TRPC5: variants seen among roughly 807,000 people sequenced by gnomAD.
TRPC5 encodes the protein short transient receptor potential channel 5.
A neutral mutation model predicts 56.5 loss-of-function variants in TRPC5; 9 were observed. The observed-to-expected ratio is 0.16, with a 90% CI of 0.10 to 0.28. The LOEUF (loss-of-function observed/expected upper bound fraction) is 0.28, where lower values mean the gene tolerates loss of function less well. TRPC5 is among the 10% of genes least tolerant of loss of function. The probability of loss-of-function intolerance (pLI) is 1.00; values close to 1 mark genes in which losing one functional copy is unlikely to be tolerated. For missense variants in TRPC5, 469 were observed against 748.9 expected, an observed-to-expected ratio of 0.63 and a Z score of 4.36; for synonymous variants, 282 against 278.5, an observed-to-expected ratio of 1.01 and a Z score of -0.13.
chrX:111,778,286 AAAGTAT>A (rs1945894194), intron 10 of TRPC5, among the ~76,000 whole-genome samples: 1 of 111,339 alleles, frequency 9.0e-6, no homozygotes, highest in African/African-American at 3.3e-5. Context: ...CCCAGAACTT[AAAGTAT>A]AATAAAAAAA....
intron 1 of TRPC5, among the ~76,000 whole-genome samples, chrX:111,963,963 A>G (rs1927476344): frequency 8.9e-6 from 1 of 112,340 alleles, no homozygotes; most frequent in Non-Finnish European, 1.9e-5. Flanking sequence ...AATGGAACAA[A>G]GCTGGACGGA....
chrX:112,077,743 A>G (rs1470971153), intron 1 of TRPC5, among the ~76,000 whole-genome samples: 1 of 112,153 alleles, frequency 8.9e-6, no homozygotes, highest in Non-Finnish European at 1.9e-5. Flanking sequence ...TCCTAAAATA[A>G]ATTAGGGTGG....
chrX:112,081,027 A>C (rs896268810), intron 1 of TRPC5, among the ~76,000 whole-genome samples: 8 of 112,257 alleles, frequency 7.1e-5, no homozygotes, highest in Non-Finnish European at 1.1e-4. Flanking sequence ...TCTATCTTTC[A>C]GGCTGGTTTC....
At chrX:112,013,137 T>A (rs1303359562) in intron 1 of TRPC5, among the ~76,000 whole-genome samples, 2 of 106,948 alleles carry the variant, frequency 1.9e-5, no homozygotes, top group Non-Finnish European at 3.9e-5. Flanking sequence ...TTGTTGTTGT[T>A]GTTGTTGTTA....
chrX:111,790,496 CATGTATACCT>C (rs905570447), intron 7 of TRPC5, among the ~76,000 whole-genome samples: 25 of 111,328 alleles, frequency 2.2e-4, no homozygotes, highest in Non-Finnish European at 4.3e-4. Context: ...CAACATGACA[CATGTATACCT>C]ATGTATCACA....
intron 3 of TRPC5, among the ~76,000 whole-genome samples, chrX:111,907,590 A>G (rs1451349577): frequency 1.8e-5 from 2 of 110,245 alleles, no homozygotes; most frequent in Non-Finnish European, 3.8e-5. Flanking sequence ...GCACCACTGC[A>G]TTCCAGCCTG....
At chrX:111,796,629 A>G (rs1228204073) in intron 7 of TRPC5, among the ~76,000 whole-genome samples, 2 of 112,101 alleles carry the variant, frequency 1.8e-5, no homozygotes, top group African/African-American at 3.2e-5. Flanking sequence ...CCTTGAATCA[A>G]TAGTTCTCCC....
chrX:112,057,884 A>G (rs1930375896), intron 1 of TRPC5, among the ~76,000 whole-genome samples: 1 of 111,687 alleles, frequency 9.0e-6, no homozygotes, highest in Admixed American at 9.5e-5. Context: ...AGGCCTAGGA[A>G]TCTAATATTT....
At chrX:111,847,710 A>T (rs766790179) in intron 5 of TRPC5, among the ~76,000 whole-genome samples, 3 of 111,894 alleles carry the variant, frequency 2.7e-5, no homozygotes, top group Non-Finnish European at 3.8e-5. Context: ...TGCAGCAACC[A>T]CCTGTGGCTT....
chrX:111,845,101 G>C (rs1328809511), intron 6 of TRPC5, among the ~76,000 whole-genome samples: 1 of 110,162 alleles, frequency 9.1e-6, no homozygotes, highest in Non-Finnish European at 1.9e-5. Flanking sequence ...AGCCAGGCAT[G>C]GTGGTGGGCA....
chrX:112,037,193 A>G (rs1929766788), intron 1 of TRPC5, among the ~76,000 whole-genome samples: 1 of 111,818 alleles, frequency 8.9e-6, no homozygotes, highest in African/African-American at 3.3e-5. Context: ...CAGCTCTGAA[A>G]TGTTACATTC....
chrX:112,052,870 T>C (rs1483010077), intron 1 of TRPC5, among the ~76,000 whole-genome samples: 1 of 112,227 alleles, frequency 8.9e-6, no homozygotes, highest in Non-Finnish European at 1.9e-5. Context: ...GAAAAGACTG[T>C]TATTTCCCCA....
chrX:112,016,993 T>G (rs2148664631), intron 1 of TRPC5, among the ~76,000 whole-genome samples: 1 of 111,817 alleles, frequency 8.9e-6, no homozygotes, highest in African/African-American at 3.2e-5. Context: ...TGTTTATCAT[T>G]ATTACTCCTT....
At chrX:111,949,386 G>C (rs1239752217) in intron 2 of TRPC5, among the ~76,000 whole-genome samples, 1 of 111,915 alleles carries the variant, frequency 8.9e-6, no homozygotes, top group East Asian at 2.8e-4. Flanking sequence ...GGAACAGGCA[G>C]CAGAGTTAAC....
At position 111,879,747 on chromosome X, in the gene TRPC5, A is replaced by G. The variant is rs752587716; in HGVS notation, c.901-25641T>C. Among the ~76,000 whole-genome samples, 18 of 112,535 alleles carry G rather than the reference A, an allele frequency of 1.6e-4. No homozygotes were observed. The South Asian group carries it at 1.8e-3, about 11-fold the overall frequency. On this transcript the variant is annotated intron_variant, in intron 3 of 10. Coordinates refer to ENST00000262839, the MANE Select transcript of TRPC5 (RefSeq NM_012471.3). ...CATGATTAGTATCTATCCTCTTTTT[A>G]CAGAGAAAGAAATATGAGGCTCATT...
At chrX:112,014,392 G>C (rs1295263200) in intron 1 of TRPC5, among the ~76,000 whole-genome samples, 1 of 112,112 alleles carries the variant, frequency 8.9e-6, no homozygotes, top group Non-Finnish European at 1.9e-5. Context: ...AGGTCATTTA[G>C]TCCAGCCTTC....
At chrX:111,941,415 T>C (rs1167894644) in intron 2 of TRPC5, among the ~76,000 whole-genome samples, 1 of 112,349 alleles carries the variant, frequency 8.9e-6, no homozygotes, top group Non-Finnish European at 1.9e-5. Context: ...TTTCTTCAGC[T>C]ATAATCAATA....
chrX:111,941,383 C>G (rs1161044619), intron 2 of TRPC5, among the ~76,000 whole-genome samples: 2 of 112,207 alleles, frequency 1.8e-5, no homozygotes, highest in East Asian at 5.6e-4. Flanking sequence ...TGTATAAGCA[C>G]AGTAAGGTAG....
At chrX:111,929,583 G>A (rs1926352004) in intron 2 of TRPC5, among the ~76,000 whole-genome samples, 1 of 112,117 alleles carries the variant, frequency 8.9e-6, no homozygotes, top group Non-Finnish European at 1.9e-5. Context: ...TCCTGCCTGT[G>A]GAATTATAAC....
Sources: allele counts gnomAD v4.1 joint callset (sites outside exome capture counted in the v4.1 genomes callset), GRCh38; gene constraint gnomAD v4.1.1; transcripts MANE v1.5; gene names NCBI Gene and HGNC (gene_info 2026-07-23, HGNC 2026-07-21).